The following CSMD1 variants were observed in gnomAD, a reference collection of about 807,000 sequenced individuals.
CSMD1 encodes CUB and Sushi multiple domains 1, also known as CUB and sushi domain-containing protein 1.
Under a neutral mutation model 417.5 loss-of-function variants are expected in CSMD1, and 213 were observed. That is an observed-to-expected ratio of 0.51 (90% confidence interval 0.46 to 0.57). The LOEUF is 0.57. Ranked by LOEUF, CSMD1 falls within the 20% of genes least tolerant of loss-of-function variation. CSMD1 has a pLI of 0.00. For missense variants in CSMD1, 6,923 were observed against 4,529.7 expected (o/e 1.53, Z -15.17); for synonymous variants, 2,862 against 1,736.8 (o/e 1.65, Z -16.11).
chr8:4,721,025 T>A (rs1205029033), intron 1 of CSMD1, among the ~76,000 whole-genome samples: 1 of 152,202 alleles, frequency 6.6e-6, no homozygotes, highest in Non-Finnish European at 1.5e-5. Flanking sequence ...AATTATTGTG[T>A]TTATAGCATT....
chr8:4,486,201 A>G (rs1205054976), intron 2 of CSMD1, among the ~76,000 whole-genome samples: 1 of 7,630 alleles, frequency 1.3e-4, no homozygotes, highest in Non-Finnish European at 2.7e-4. Flanking sequence ...ATATATATAC[A>G]TACATATATA....
chr8:4,814,262 G>A (rs1002908716), intron 1 of CSMD1, among the ~76,000 whole-genome samples: 2 of 152,064 alleles, frequency 1.3e-5, no homozygotes, highest in South Asian at 2.1e-4. Flanking sequence ...GTGTGTGGTG[G>A]GGGATGGAGA....
At chr8:4,477,471 A>G (rs917066242) in intron 2 of CSMD1, among the ~76,000 whole-genome samples, 2 of 152,204 alleles carry the variant, frequency 1.3e-5, no homozygotes, top group African/African-American at 2.4e-5. Flanking sequence ...TCAGATATTT[A>G]TATTTAATCA....
rs767668610 is a variant in CSMD1, at chr8:3,817,252, C to CTTTT, written c.819-63214_819-63211dup. Among the ~76,000 whole-genome samples, 9 of 54,388 alleles carry CTTTT rather than the reference C, an allele frequency of 1.7e-4. 1 individual carries two copies. Among genetic ancestry groups the CTTTT allele is most frequent in the Non-Finnish European group, 2.4e-4 (7 of 29,152 alleles). The allele number at this position is 54,388 out of a possible 152,430, so 35.7% of individuals were successfully genotyped here. A position where few individuals can be genotyped will look rare whatever the true frequency, so the allele number is the denominator to read the frequency against. On this transcript the variant is annotated intron_variant, in intron 5 of 69. Transcript: ENST00000635120. ...TCCAAAGTGGTCATATCTTCTTCTTCTTTTTTTTTTTTTTTTTTTTTTTTT... is the reference window on the plus strand; with the variant it reads ...TCCAAAGTGGTCATATCTTCTTCTTCTTTTTTTTTTTTTTTTTTTTTTTTTTTTT...
chr8:2,945,433 C>T (rs769970267), intron 68 of CSMD1, among the ~76,000 whole-genome samples: 17 of 152,188 alleles, frequency 1.1e-4, no homozygotes, highest in East Asian at 1.9e-4. Context: ...TGTCCAGGGA[C>T]ATTAAGGGTG....
chr8:4,319,544 G>A (rs1406000775), intron 3 of CSMD1, among the ~76,000 whole-genome samples: 1 of 152,072 alleles, frequency 6.6e-6, no homozygotes, highest in Non-Finnish European at 1.5e-5. Context: ...CAAAGTCACA[G>A]AAATAAAGGA....
chr8:4,641,951 T>A (rs2130869896), intron 1 of CSMD1, among the ~76,000 whole-genome samples: 1 of 152,306 alleles, frequency 6.6e-6, no homozygotes, highest in Non-Finnish European at 1.5e-5. Context: ...TGAACACTTT[T>A]CTAATCTACA....
intron 37 of CSMD1, among the ~76,000 whole-genome samples, chr8:3,180,840 C>T (rs1179110340): frequency 1.3e-5 from 2 of 151,854 alleles, no homozygotes; most frequent in Admixed American, 6.6e-5. Flanking sequence ...GACGGGGTTT[C>T]TCCGTGTTGG....
At chr8:3,429,382 T>C (rs1408085139) in intron 12 of CSMD1, among the ~76,000 whole-genome samples, 1 of 152,164 alleles carries the variant, frequency 6.6e-6, no homozygotes, top group Non-Finnish European at 1.5e-5. Flanking sequence ...GTTAAACATG[T>C]AGTTAATATA....
chr8:3,761,928 G>C (rs1004653177), intron 5 of CSMD1, among the ~76,000 whole-genome samples: 5 of 151,932 alleles, frequency 3.3e-5, no homozygotes, highest in African/African-American at 1.2e-4. Flanking sequence ...TTTTCTGGGA[G>C]CACTCTCTGA....
intron 10 of CSMD1, among the ~76,000 whole-genome samples, chr8:3,527,940 C>G (rs1383526005): frequency 6.6e-6 from 1 of 152,148 alleles, no homozygotes. Context: ...CTGTGCAGGT[C>G]AGTTTATCTG....
intron 10 of CSMD1, among the ~76,000 whole-genome samples, chr8:3,574,659 G>A (rs1214978058): frequency 3.9e-5 from 6 of 152,184 alleles, no homozygotes; most frequent in Admixed American, 2.0e-4. Context: ...GATGAGACCT[G>A]AGTTGAAAAA....
chr8:4,054,891 G>A (rs546332479), intron 3 of CSMD1, among the ~76,000 whole-genome samples: 8 of 152,200 alleles, frequency 5.3e-5, no homozygotes, highest in African/African-American at 1.7e-4. Context: ...CAAAGGCTAC[G>A]TCTGCCTGTG....
intron 2 of CSMD1, among the ~76,000 whole-genome samples, chr8:4,609,793 G>C (rs919574103): frequency 6.6e-6 from 1 of 152,148 alleles, no homozygotes; most frequent in Non-Finnish European, 1.5e-5. Flanking sequence ...AACAAATCCA[G>C]ATTATGGTGA....
intron 49 of CSMD1, among the ~76,000 whole-genome samples, chr8:3,064,121 C>T (rs957754249): frequency 1.3e-5 from 2 of 152,178 alleles, no homozygotes; most frequent in African/African-American, 4.8e-5. Flanking sequence ...CAAGCTGCCT[C>T]TTAGAGGACA....
chr8:4,299,064 T>A (rs1193693629), intron 3 of CSMD1, among the ~76,000 whole-genome samples: 1 of 152,126 alleles, frequency 6.6e-6, no homozygotes, highest in African/African-American at 2.4e-5. Context: ...CTCCTGTTAA[T>A]CCTATTTCTT....
chr8:4,173,833 C>G (rs1797895461), intron 3 of CSMD1, among the ~76,000 whole-genome samples: 2 of 152,264 alleles, frequency 1.3e-5, no homozygotes, highest in Non-Finnish European at 2.9e-5. Flanking sequence ...TCAGGCTTCT[C>G]AGTTCTTCCC....
At chr8:3,926,087 A>ACACACACACACAAACAC (rs1809670941) in intron 5 of CSMD1, among the ~76,000 whole-genome samples, 2 of 15,334 alleles carry the variant, frequency 1.3e-4, no homozygotes, top group African/African-American at 1.2e-3. Flanking sequence ...CACCATACAC[A>ACACACACACACAAACAC]CACACACACA....
chr8:4,648,390 G>C (rs1355714679), intron 1 of CSMD1, among the ~76,000 whole-genome samples: 3 of 152,044 alleles, frequency 2.0e-5, no homozygotes, highest in East Asian at 1.9e-4. Context: ...GTCACCAAGT[G>C]GCCCCTAATG....
Sources: allele counts gnomAD v4.1 joint callset (sites outside exome capture counted in the v4.1 genomes callset), GRCh38; gene constraint gnomAD v4.1.1; transcripts MANE v1.5; gene names NCBI Gene and HGNC (gene_info 2026-07-23, HGNC 2026-07-21).